The following MYH6 variants were observed in gnomAD, a reference collection of about 807,000 sequenced individuals.
MYH6 encodes the protein myosin-6.
MYH6 carries 126 observed loss-of-function variants against 223.2 expected under a neutral mutation model. The observed-to-expected ratio is 0.56, with a 90% CI of 0.49 to 0.65. MYH6 has a LOEUF of 0.65. MYH6 is among the 30% of genes least tolerant of loss of function. The probability of loss-of-function intolerance (pLI) is 0.00; values close to 1 mark genes in which losing one functional copy is unlikely to be tolerated. For synonymous variants in MYH6, 978 were observed against 1,010.2 expected, an observed-to-expected ratio of 0.97 and a Z score of 0.61; for missense variants, 2,040 against 2,536.4, an observed-to-expected ratio of 0.80 and a Z score of 4.20.
chr14:23,404,718 G>A lies in MYH6; in HGVS notation c.635C>T (p.Ala212Val), dbSNP rs780456381. ...CTGTGTCCCCCATGGCACCTTGTTCGCATTGGCATTGTCCTTCTTGCCACG... is the reference window on the plus strand; with the variant it reads ...CTGTGTCCCCCATGGCACCTTGTTCACATTGGCATTGTCCTTCTTGCCACG... ...GDRGKKDNAN[A>V]NKGTLEDQII... Residue 212 changes from alanine to valine, a missense_variant, in exon 7 of 39, where the codon GCG (alanine) becomes GTG (valine). Physicochemically the swap from Ala to Val is moderately conservative, Grantham distance 64 (BLOSUM62 0). Around this residue, in one of 4 missense-constraint regions of MYH6, gnomAD observed 649 missense variants for 877.3 expected, o/e 0.74. Transcript: ENST00000405093. 8.9e-5 allele frequency: 144 copies of A among 1,613,918 alleles called. No individual in the cohort carries two copies. Among genetic ancestry groups the A allele is most frequent in the Non-Finnish European group, 1.2e-4 (138 of 1,179,864 alleles).
chr14:23,396,342 G>A lies in MYH6; in HGVS notation c.2371C>T (p.Gln791Ter), dbSNP rs756200073. 1.9e-6 allele frequency: 3 copies of A among 1,614,096 alleles called. No homozygotes were observed. The highest frequency in any genetic ancestry group is 1.3e-5 in the African/African-American group (1 of 75,070). Residue 791 changes from glutamine to a stop codon, truncating the protein, a stop_gained, in exon 20 of 39, where the codon CAG becomes TAG. Coordinates refer to ENST00000405093, the MANE Select transcript of MYH6 (RefSeq NM_002471.4). LOFTEE classifies it high-confidence loss of function. ...ATGAGCTGGCCCCGGGCTTGGGCCT[G>A]CATGCGCGTGATGATGCGGCTCAGC... ...ERLSRIITRM[Q>*]AQARGQLMRI...
intron 1 of MYH6, among the ~76,000 whole-genome samples, 170 bp downstream of exon 1, chr14:23,408,083 G>C (rs887009851): frequency 2.6e-5 from 4 of 152,190 alleles, no homozygotes; most frequent in South Asian, 2.1e-4. Flanking sequence ...TGGGTTTCCT[G>C]TGGAACCTCC....
intron 30 of MYH6, 82 bp downstream of exon 30, chr14:23,388,073 A>G (rs1891093242): frequency 6.2e-7 from 1 of 1,609,350 alleles, no homozygotes; most frequent in South Asian, 1.1e-5. Flanking sequence ...TCCACCTCCA[A>G]GGAGGTTGCC....
intron 32 of MYH6, among the ~76,000 whole-genome samples, chr14:23,387,210 G>A (rs1310679926): frequency 1.3e-5 from 2 of 152,292 alleles, no homozygotes; most frequent in Non-Finnish European, 2.9e-5. Context: ...TCCTCAAGCT[G>A]TGTTCCAACT....
chr14:23,400,202 C>A lies in MYH6; in HGVS notation c.1581+54G>T, dbSNP rs1891555899. On this transcript the variant is annotated intron_variant, in intron 14 of 38. Transcript: ENST00000405093. ...TTGGGTGTAGAAGGGACTCAGCCAC[C>A]ACTTTGTCTGGATGGCAGAGGAGGG... 1.9e-6 allele frequency: 3 copies of A among 1,613,946 alleles called. No individual in the cohort carries two copies. In the East Asian group the frequency reaches 6.7e-5, roughly 36 times the overall value.
chr14:23,384,367 G>T, intron 36 of MYH6, 75 bp downstream of exon 36: 1 of 1,596,348 alleles, frequency 6.3e-7, no homozygotes, highest in East Asian at 2.2e-5. Context: ...GGTGAGAGGA[G>T]CCCTGTGAGG....
rs1031024698 is a variant in MYH6, at chr14:23,407,479, C to T, written c.-14+97G>A. 91 of 1,291,978 alleles carry T rather than the reference C, an allele frequency of 7.0e-5. No homozygotes were observed. Among genetic ancestry groups the T allele is most frequent in the Middle Eastern group, 2.9e-4 (1 of 3,468 alleles). The allele number at this position is 1,291,978 out of a possible 1,614,324, so 80.0% of individuals were successfully genotyped here. On this transcript the variant is annotated intron_variant, in intron 2 of 38. Coordinates refer to ENST00000405093, the MANE Select transcript of MYH6 (RefSeq NM_002471.4). This position sits in a 1 kb window ranked among gnomAD's most constrained non-coding sequence, Gnocchi z 5.6. Reference sequence around the variant, plus strand: ...TTGGCTGGAGTATGCTAAGGGTTGGCGCTGAGTGCTTGGGACAGCAGACCC... The same window carrying T: ...TTGGCTGGAGTATGCTAAGGGTTGGTGCTGAGTGCTTGGGACAGCAGACCC...
At chr14:23,400,146 A>G in intron 14 of MYH6, 110 bp downstream of exon 14, 1 of 1,532,184 alleles carries the variant, frequency 6.5e-7, no homozygotes, top group South Asian at 1.1e-5. Flanking sequence ...GGGCCTGGAG[A>G]AAGGCCTGGG....
rs775159371 is a variant in MYH6 at position 23,393,068 on chromosome 14, G to C, written c.3106-11C>G. ...TAGGGATCCCTCCAGCTGTTGGAGGGAAGAAAATAAGCAAAGTGTGGAAAA... is the reference window on the plus strand; with the variant it reads ...TAGGGATCCCTCCAGCTGTTGGAGGCAAGAAAATAAGCAAAGTGTGGAAAA... On this transcript the variant is annotated splice_polypyrimidine_tract_variant and intron_variant, in intron 23 of 38. Transcript: ENST00000405093. The C allele has an allele frequency of 1.2e-6, 2 of 1,614,150 alleles. No homozygotes were observed. The highest frequency in any genetic ancestry group is 1.7e-6 in the Non-Finnish European group (2 of 1,180,020).
At chr14:23,402,889 A>C in intron 10 of MYH6, 89 bp from the exon 11 acceptor site, 4 of 360,576 alleles carry the variant, frequency 1.1e-5, no homozygotes, top group Admixed American at 3.5e-5. Context: ...AGGGAGGGGC[A>C]GGGAGGGGTA....
At chr14:23,403,857 C>A in intron 8 of MYH6, 79 bp from the exon 9 acceptor site, 1 of 1,294,350 alleles carries the variant, frequency 7.7e-7, no homozygotes, top group Middle Eastern at 1.8e-4. Context: ...AGCCCAGAAG[C>A]CCTGGATGGT....
Position 23,387,627 on chromosome 14 carries a change from G to A in MYH6, c.4552C>T (p.Leu1518=), listed in dbSNP as rs1240243749. Residue 1518 remains leucine (L), a synonymous_variant, in exon 32 of 39, where the codon CTA becomes TTA. Coordinates refer to ENST00000405093, the MANE Select transcript of MYH6 (RefSeq NM_002471.4). ...QEEISDLTEQ[L]GEGGKNVHEL... Reference sequence around the variant, plus strand: ...TGCACATTCTTTCCTCCTTCTCCTAGCTGCTCAGTAAGGTCCGAGATTTCC... The same window carrying A: ...TGCACATTCTTTCCTCCTTCTCCTAACTGCTCAGTAAGGTCCGAGATTTCC... 2 of 1,613,950 alleles carry A rather than the reference G, an allele frequency of 1.2e-6. No individual in the cohort carries two copies. The highest frequency in any genetic ancestry group is 1.3e-5 in the African/African-American group (1 of 74,872).
At chr14:23,396,519 C>A in intron 19 of MYH6, 99 bp from the exon 20 acceptor site, 1 of 1,569,106 alleles carries the variant, frequency 6.4e-7, no homozygotes, top group Non-Finnish European at 8.7e-7. Flanking sequence ...TCACCCCATG[C>A]CTTCTAGAAG....
rs1249344849 is a variant in MYH6, at chr14:23,390,132, C to G, written c.3657G>C (p.Leu1219=). 3.1e-6 allele frequency: 5 copies of G among 1,611,740 alleles called. No individual in the cohort carries two copies. Among genetic ancestry groups the G allele is most frequent in the Non-Finnish European group, 4.2e-6 (5 of 1,179,534 alleles). Residue 1219 remains leucine (L), a synonymous_variant, in exon 26 of 39, where the codon CTG becomes CTC. Coordinates refer to ENST00000405093, the MANE Select transcript of MYH6 (RefSeq NM_002471.4). ...GCTTGAACTCGCTCTTCTCCTTCTC[C>G]AGCTTCTGCTTCACCCGCTGCAGGT... ...IDNLQRVKQK[L]EKEKSEFKLE...
intron 6 of MYH6, 86 bp from the exon 7 acceptor site, chr14:23,404,908 T>C (rs440466): frequency 0.36 from 540,500 of 1,492,624 alleles, 103,751 homozygotes; most frequent in African/African-American, 0.54. Flanking sequence ...CTTCCCAGCC[T>C]GGCCATCAGA....
Position 23,396,711 on chromosome 14 carries a change from T to G in MYH6, c.2275A>C (p.Lys759Gln). Residue 759 changes from lysine (K) to glutamine (Q), a missense_variant, in exon 19 of 39, where the codon AAG (lysine) becomes CAG (glutamine). This residue lies in a region of MYH6 where 649 missense variants were observed against 877.3 expected (regional missense o/e 0.74). Coordinates refer to ENST00000405093, the MANE Select transcript of MYH6 (RefSeq NM_002471.4). ...AGACTCACCTTGGTGTGGCCAAACTTGTACTGGTTGTGATCAATGTCCAGA... is the reference window on the plus strand; with the variant it reads ...AGACTCACCTTGGTGTGGCCAAACTGGTACTGGTTGTGATCAATGTCCAGA... ...SSLDIDHNQY[K>Q]FGHTKVFFKA... The G allele has an allele frequency of 6.2e-7, 1 of 1,613,996 alleles. No homozygotes were observed. Among genetic ancestry groups the G allele is most frequent in the East Asian group, 2.2e-5 (1 of 44,880 alleles).
In MYH6 at chr14:23,407,012, G is replaced by GC. The variant is rs1275316735; in HGVS notation, c.201+10dup. On this transcript the variant is annotated intron_variant, in intron 3 of 38. Transcript: ENST00000405093. The surrounding 1 kb of genome is among the most constrained non-coding windows in gnomAD (Gnocchi z 5.6). ...TCCTTCCCTTCTGCCCCGGCGCCAT[G>GC]CCCTACTCACCTTCCCATTCTCGGT... is the stretch of plus-strand genomic sequence containing the variant. The GC allele has an allele frequency of 5.0e-6, 8 of 1,613,492 alleles. No individual in the cohort carries two copies. Among genetic ancestry groups the GC allele is most frequent in the Non-Finnish European group, 5.1e-6 (6 of 1,179,542 alleles).
At position 23,406,130 on chromosome 14, in the gene MYH6, C is replaced by T. The variant is rs368540591; in HGVS notation, c.202-360G>A. Reference sequence around the variant, plus strand: ...ATCTGTGCACACCTTATGCTGACCCCGAGGCTGTCTCCCGCGGGCAGCGCT... The same window carrying T: ...ATCTGTGCACACCTTATGCTGACCCTGAGGCTGTCTCCCGCGGGCAGCGCT... On this transcript the variant is annotated intron_variant, in intron 3 of 38. Coordinates refer to ENST00000405093, the MANE Select transcript of MYH6 (RefSeq NM_002471.4). Among the ~76,000 whole-genome samples, 31 of 152,212 alleles carry T rather than the reference C, an allele frequency of 2.0e-4. No individual in the cohort carries two copies. In the East Asian group the frequency reaches 5.4e-3, roughly 27 times the overall value.
At chr14:23,408,111 T>C (rs1040681996) in intron 1 of MYH6, 142 bp downstream of exon 1, 3 of 436,426 alleles carry the variant, frequency 6.9e-6, no homozygotes, top group African/African-American at 6.4e-5. Context: ...AGGGGGAACT[T>C]CCCTGGGCCT....
Sources: allele counts gnomAD v4.1 joint callset (sites outside exome capture counted in the v4.1 genomes callset), GRCh38; gene constraint gnomAD v4.1.1; regional missense constraint gnomAD v4.1.1; non-coding constraint Gnocchi (gnomAD v3.1); transcripts MANE v1.5; gene names NCBI Gene and HGNC (gene_info 2026-07-23, HGNC 2026-07-21).